RUNX1: variants seen among roughly 807,000 people sequenced by gnomAD.
RUNX1 encodes the protein RUNX family transcription factor 1.
RUNX1 carries 19 observed loss-of-function variants against 42.8 expected under a neutral mutation model. The observed-to-expected ratio is 0.44, with a 90% CI of 0.31 to 0.65. RUNX1 has a LOEUF of 0.65. Among genes scored for constraint, RUNX1 ranks in the 30% least tolerant of loss-of-function variants. The probability of loss-of-function intolerance (pLI) is 0.07; values close to 1 mark genes in which losing one functional copy is unlikely to be tolerated. For synonymous variants in RUNX1, 271 were observed against 289.4 expected (o/e 0.94, Z 0.64); for missense variants, 528 against 672.0 (o/e 0.79, Z 2.37).
chr21:34,789,111 T>C lies in RUNX1; in HGVS notation c.*3024A>G, dbSNP rs572905162. ...GTTTGGACAGCAAGCAGATCCAATA[T>C]GGTTGGCAATGTCTCTGTTCTGCTG... On this transcript the variant is annotated 3_prime_UTR_variant, in exon 9 of 9. Transcript: ENST00000675419. 4.3e-5 allele frequency: 10 copies of C among 233,330 alleles called. No individual in the cohort carries two copies. The highest frequency in any genetic ancestry group is 2.2e-4 in the African/African-American group (10 of 45,470). 14.5% of individuals were successfully genotyped at this position (233,330 alleles called of 1,614,324 possible).
intron 2 of RUNX1, among the ~76,000 whole-genome samples, chr21:35,022,111 C>T (rs890231766): frequency 1.3e-5 from 2 of 152,234 alleles, no homozygotes; most frequent in African/African-American, 4.8e-5. Flanking sequence ...CCAGACTGAA[C>T]ACGGGCTAAC....
At chr21:34,979,427 AT>A (rs2058830315) in intron 2 of RUNX1, among the ~76,000 whole-genome samples, 1 of 152,174 alleles carries the variant, frequency 6.6e-6, no homozygotes, top group African/African-American at 2.4e-5. Flanking sequence ...TATTAAAAAA[AT>A]CTTTCCATAG....
chr21:34,900,231 C>G (rs1325210306), intron 2 of RUNX1, among the ~76,000 whole-genome samples: 1 of 152,100 alleles, frequency 6.6e-6, no homozygotes, highest in Non-Finnish European at 1.5e-5. Context: ...TGTACTATGT[C>G]TTCAAAAGTC....
chr21:34,961,267 A>T (rs2058680095), intron 2 of RUNX1, among the ~76,000 whole-genome samples: 1 of 152,082 alleles, frequency 6.6e-6, no homozygotes, highest in Non-Finnish European at 1.5e-5. Flanking sequence ...CCAGCTACTC[A>T]GGAGGCTGAA....
chr21:35,005,885 G>A (rs2059080759), intron 2 of RUNX1, among the ~76,000 whole-genome samples: 3 of 152,168 alleles, frequency 2.0e-5, no homozygotes. Context: ...TCATGGCCTT[G>A]ACACATTTAA....
intron 2 of RUNX1, among the ~76,000 whole-genome samples, chr21:34,910,062 T>C (rs2058259961): frequency 6.6e-6 from 1 of 152,240 alleles, no homozygotes; most frequent in South Asian, 2.1e-4. Flanking sequence ...TTAATGTAGT[T>C]TTAAACAAAT....
intron 2 of RUNX1, among the ~76,000 whole-genome samples, chr21:34,994,615 CTATGCACCTAA>C (rs2058979029): frequency 6.6e-6 from 1 of 152,114 alleles, no homozygotes; most frequent in African/African-American, 2.4e-5. Context: ...TATACACCTA[CTATGCACCTAA>C]ATGCCTAGGT....
At chr21:34,834,997 T>A (rs889484071) in intron 6 of RUNX1, among the ~76,000 whole-genome samples, 4 of 152,174 alleles carry the variant, frequency 2.6e-5, no homozygotes, top group African/African-American at 9.6e-5. Context: ...CCAGGAAAGG[T>A]GGCCTCCCAG....
At position 34,839,885 on chromosome 21, in the gene RUNX1, G is replaced by A. The variant is rs557304038; in HGVS notation, c.614-5284C>T. Among the ~76,000 whole-genome samples, 9 of 152,244 alleles carry A rather than the reference G, an allele frequency of 5.9e-5. No individual in the cohort carries two copies. In the South Asian group the frequency reaches 1.5e-3, roughly 25 times the overall value. On this transcript the variant is annotated intron_variant, in intron 6 of 8. Transcript: ENST00000675419. ...TTTGCTGTGTGCTGGGGAGAAACACGCGAACTAAATATGCCTGAACTGTGT... is the reference window on the plus strand; with the variant it reads ...TTTGCTGTGTGCTGGGGAGAAACACACGAACTAAATATGCCTGAACTGTGT...
At chr21:34,805,938 A>G (rs936114111) in intron 7 of RUNX1, among the ~76,000 whole-genome samples, 1 of 152,220 alleles carries the variant, frequency 6.6e-6, no homozygotes, top group African/African-American at 2.4e-5. Context: ...TTAGTTATAC[A>G]TGTACTTTTC....
chr21:35,005,776 T>A (rs2146892004), intron 2 of RUNX1, among the ~76,000 whole-genome samples: 1 of 152,242 alleles, frequency 6.6e-6, no homozygotes, highest in East Asian at 1.9e-4. Flanking sequence ...CTCCCCTCCA[T>A]CTCTTATCTT....
intron 4 of RUNX1, among the ~76,000 whole-genome samples, chr21:34,886,180 G>C (rs950970330): frequency 6.6e-6 from 1 of 152,228 alleles, no homozygotes; most frequent in African/African-American, 2.4e-5. Flanking sequence ...GTGAGCTGAT[G>C]ATAGCATTCA....
chr21:34,887,699 TATAA>T (rs1601530947), intron 3 of RUNX1: 1 of 1,063,524 alleles, frequency 9.4e-7, no homozygotes, highest in African/African-American at 1.6e-5. Flanking sequence ...TGCACGTATA[TATAA>T]ATATATACAT....
chr21:34,889,716 G>A (rs918576334), intron 3 of RUNX1: 4 of 1,187,436 alleles, frequency 3.4e-6, no homozygotes, highest in Admixed American at 4.2e-5. Context: ...CCCTGCGCCG[G>A]TCCCCGCGGT....
At chr21:34,988,477 T>G (rs1393018687) in intron 2 of RUNX1, among the ~76,000 whole-genome samples, 3 of 152,166 alleles carry the variant, frequency 2.0e-5, no homozygotes, top group African/African-American at 7.2e-5. Flanking sequence ...TGTGGCTCTG[T>G]GCTGCAGCAT....
intron 4 of RUNX1, among the ~76,000 whole-genome samples, chr21:34,881,680 A>T (rs1008544961): frequency 5.3e-5 from 8 of 152,242 alleles, no homozygotes; most frequent in Non-Finnish European, 8.8e-5. Flanking sequence ...ATGAAGTCTT[A>T]TCAGGGCTAT....
intron 6 of RUNX1, among the ~76,000 whole-genome samples, chr21:34,841,783 T>C (rs986371563): frequency 6.6e-6 from 1 of 152,134 alleles, no homozygotes; most frequent in African/African-American, 2.4e-5. Flanking sequence ...CCCTGAGGAG[T>C]TCCTGGAGAT....
chr21:34,985,704 T>C (rs764568545), intron 2 of RUNX1, among the ~76,000 whole-genome samples: 21 of 152,116 alleles, frequency 1.4e-4, no homozygotes, highest in Non-Finnish European at 2.9e-5. Context: ...CTGTTATGAA[T>C]GGGGTACACA....
intron 7 of RUNX1, among the ~76,000 whole-genome samples, chr21:34,829,542 G>A (rs1282796296): frequency 6.6e-6 from 1 of 152,124 alleles, no homozygotes; most frequent in Non-Finnish European, 1.5e-5. Context: ...GACCTGGAAA[G>A]GCTCTCATAC....
Sources: allele counts gnomAD v4.1 joint callset (sites outside exome capture counted in the v4.1 genomes callset), GRCh38; gene constraint gnomAD v4.1.1; transcripts MANE v1.5; gene names NCBI Gene and HGNC (gene_info 2026-07-23, HGNC 2026-07-21).